The following NASP variants were observed in gnomAD, a reference collection of about 807,000 sequenced individuals.
The protein encoded by NASP is NASP histone chaperone.
Under a neutral mutation model 89.5 loss-of-function variants are expected in NASP, and 24 were observed. The observed-to-expected ratio is 0.27, with a 90% CI of 0.19 to 0.38. NASP has a LOEUF of 0.38. Among genes scored for constraint, NASP ranks in the 10% least tolerant of loss-of-function variants. The pLI is 1.00. For missense variants in NASP, 848 were observed against 921.4 expected, an observed-to-expected ratio of 0.92 and a Z score of 1.03; for synonymous variants, 306 against 324.7, an observed-to-expected ratio of 0.94 and a Z score of 0.62.
intron 3 of NASP, 83 bp from the exon 4 acceptor site, chr1:45,604,853 T>G: frequency 9.4e-7 from 1 of 1,059,764 alleles, no homozygotes; most frequent in Non-Finnish European, 1.4e-6. Context: ...ACTGGAGAAA[T>G]ATCAATTTAT....
chr1:45,613,070 G>A, intron 6 of NASP, 99 bp from the exon 7 acceptor site: 1 of 1,449,432 alleles, frequency 6.9e-7, no homozygotes, highest in East Asian at 2.5e-5. Flanking sequence ...CATCTGGCCT[G>A]TCCTATCTGA....
At position 45,607,733 on chromosome 1, in the gene NASP, A is replaced by C. The variant is rs1344048977; in HGVS notation, c.822A>C (p.Pro274=). The part of the protein sequence containing the change: ...GEVIVSIEEK[P]KEVSEEQPVV... ...TAATTGTGAGCATAGAGGAGAAGCCAAAAGAAGTTTCAGAAGAGCAGCCTG... is the reference window on the plus strand; with the variant it reads ...TAATTGTGAGCATAGAGGAGAAGCCCAAAGAAGTTTCAGAAGAGCAGCCTG... The change falls in exon 6 of 15, where the codon CCA becomes CCC. Residue 274 remains proline, a synonymous_variant. Coordinates refer to ENST00000350030, the MANE Select transcript of NASP (RefSeq NM_002482.4). 6.2e-7 allele frequency: 1 copy of C among 1,614,174 alleles called. No individual in the cohort carries two copies. The highest frequency in any genetic ancestry group is 1.7e-5 in the Admixed American group (1 of 60,026).
chr1:45,586,278 GTGTGTGGT>G (rs1422043183), intron 1 of NASP, among the ~76,000 whole-genome samples: 243 of 45,618 alleles, frequency 5.3e-3, no homozygotes, highest in African/African-American at 0.012. Flanking sequence ...GTGTGTGTGT[GTGTGTGGT>G]GTGTGTGTGT....
chr1:45,605,113 A>C (rs1168264377), intron 4 of NASP, 97 bp downstream of exon 4: 1 of 903,632 alleles, frequency 1.1e-6, no homozygotes, highest in East Asian at 2.4e-5. Context: ...TTTTACCTAG[A>C]GAGTTTTGAA....
Position 45,607,389 on chromosome 1 carries a change from A to C in NASP, c.478A>C (p.Thr160Pro). 1 of 1,614,110 alleles carries C rather than the reference A, an allele frequency of 6.2e-7. No homozygotes were observed. Among genetic ancestry groups the C allele is most frequent in the Non-Finnish European group, 8.5e-7 (1 of 1,179,976 alleles). Reference protein sequence around the residue: ...AMGEKEEAKKTEDKSLAKPET... With the variant: ...AMGEKEEAKKPEDKSLAKPET... ...GGGAGAAAAAGAAGAAGCCAAAAAA[A>C]CAGAAGACAAGTCTTTGGCAAAGCC... The change falls in exon 6 of 15, where the codon ACA becomes CCA. Residue 160 changes from threonine to proline, a missense_variant. Physicochemically the swap from Thr to Pro is conservative, Grantham distance 38. Around this residue, in one of 5 missense-constraint regions of NASP, gnomAD observed 464 missense variants for 469.4 expected, o/e 0.99. Transcript: ENST00000350030.
In NASP at chr1:45,602,300, G is replaced by GA. The variant is rs1643864191; in HGVS notation, c.156dup (p.His53ThrfsTer19). 6.2e-7 allele frequency: 1 copy of GA among 1,613,670 alleles called. No homozygotes were observed. The highest frequency in any genetic ancestry group is 8.5e-7 in the Non-Finnish European group (1 of 1,179,780). ...CTAAGAAACTATTGGGTTTAGGACAGAAACATCTGGTGATGGGGGATATTC... is the reference window on the plus strand; with the variant it reads ...CTAAGAAACTATTGGGTTTAGGACAGAAAACATCTGGTGATGGGGGATATTC... On this transcript the variant is annotated frameshift_variant, in exon 3 of 15. Transcript: ENST00000350030. LOFTEE classifies it high-confidence loss of function.
At position 45,600,989 on chromosome 1, in the gene NASP, C is replaced by A. The variant is rs6683470; in HGVS notation, c.108-1266C>A. Among the ~76,000 whole-genome samples the A allele has an allele frequency of 1.5e-3, 221 of 152,188 alleles. 3 individuals are homozygous for A. The highest frequency in any genetic ancestry group is 5.2e-3 in the African/African-American group (214 of 41,542). On this transcript the variant is annotated intron_variant, in intron 2 of 14. Coordinates refer to ENST00000350030, the MANE Select transcript of NASP (RefSeq NM_002482.4). ...TTTGCCATCTGTGTATCTTTGATGA[C>A]ATGTTTGTTAAAATCTTTCGCCCCC...
chr1:45,584,706 G>T (rs1235111762), intron 1 of NASP, among the ~76,000 whole-genome samples: 2 of 152,120 alleles, frequency 1.3e-5, no homozygotes, highest in Admixed American at 6.5e-5. Context: ...CTGAGGGCGG[G>T]GTTTTGCGCG....
At chr1:45,590,202 A>C (rs952304565) in intron 1 of NASP, among the ~76,000 whole-genome samples, 1 of 152,152 alleles carries the variant, frequency 6.6e-6, no homozygotes, top group Non-Finnish European at 1.5e-5. Flanking sequence ...GTACTGCCTT[A>C]GTTCACCCTC....
chr1:45,609,129 G>A (rs1164549481), intron 6 of NASP, among the ~76,000 whole-genome samples: 1 of 152,100 alleles, frequency 6.6e-6, no homozygotes, highest in Non-Finnish European at 1.5e-5. Context: ...ATTTCATTAA[G>A]GTGTATAAGC....
At chr1:45,590,549 CAAAAA>C (rs1036511604) in intron 1 of NASP, among the ~76,000 whole-genome samples, 5 of 58,968 alleles carry the variant, frequency 8.5e-5, no homozygotes, top group African/African-American at 2.4e-4. Flanking sequence ...GACTCTGTCT[CAAAAA>C]AAAAAAAAAA....
rs1644154244 is a variant in NASP at position 45,618,795 on chromosome 1, A to G, written c.*654A>G. 1 of 152,168 alleles carries G rather than the reference A, an allele frequency of 6.6e-6. No individual in the cohort carries two copies. The highest frequency in any genetic ancestry group is 2.1e-4 in the South Asian group (1 of 4,832). 9.4% of individuals were successfully genotyped at this position (152,168 alleles called of 1,614,324 possible). On this transcript the variant is annotated 3_prime_UTR_variant, in exon 15 of 15. Coordinates refer to ENST00000350030, the MANE Select transcript of NASP (RefSeq NM_002482.4). ...CATATGTGGGGAGGCTGGCTGGTTGAGTTTTGTTATTTTCTGTATAGAAAG... is the reference window on the plus strand; with the variant it reads ...CATATGTGGGGAGGCTGGCTGGTTGGGTTTTGTTATTTTCTGTATAGAAAG...
chr1:45,595,184 TGTG>T (rs1643663269), intron 2 of NASP, among the ~76,000 whole-genome samples: 1 of 138,024 alleles, frequency 7.2e-6, no homozygotes, highest in Admixed American at 7.3e-5. Flanking sequence ...TGTGTGTGTG[TGTG>T]TTTTAGAGAC....
chr1:45,601,122 T>A (rs978851215), intron 2 of NASP, among the ~76,000 whole-genome samples: 4 of 152,218 alleles, frequency 2.6e-5, no homozygotes, highest in Non-Finnish European at 5.9e-5. Flanking sequence ...CTGCCTTTTT[T>A]GTTTTTATAA....
chr1:45,614,408 T>A (rs758944557), intron 9 of NASP, 42 bp downstream of exon 9: 26 of 1,447,870 alleles, frequency 1.8e-5, no homozygotes, highest in Non-Finnish European at 2.3e-5. Context: ...TCTCTTCAGC[T>A]CCCTCGTTCT....
At chr1:45,596,222 T>C (rs1184571046) in intron 2 of NASP, among the ~76,000 whole-genome samples, 1 of 152,230 alleles carries the variant, frequency 6.6e-6, no homozygotes, top group Admixed American at 6.5e-5. Context: ...ATGAAATTGA[T>C]TTTTAAGTTG....
At chr1:45,613,334 G>A in intron 7 of NASP, 86 bp downstream of exon 7, 3 of 1,435,330 alleles carry the variant, frequency 2.1e-6, no homozygotes, top group Non-Finnish European at 1.9e-6. Context: ...AGGCTGGATT[G>A]CAGTGGGGTG....
chr1:45,589,904 C>CAAAA (rs931836884), intron 1 of NASP, among the ~76,000 whole-genome samples: 4 of 151,908 alleles, frequency 2.6e-5, no homozygotes, highest in Non-Finnish European at 5.9e-5. Context: ...GTCTCAAAAA[C>CAAAA]AAAACAAAAC....
Position 45,607,174 on chromosome 1 carries a change from C to T in NASP, c.410-147C>T, listed in dbSNP as rs2148358351. 4 of 799,714 alleles carry T rather than the reference C, an allele frequency of 5.0e-6. No individual in the cohort carries two copies. In the South Asian group the frequency reaches 7.8e-5, roughly 16 times the overall value. 49.5% of individuals were successfully genotyped at this position (799,714 alleles called of 1,614,324 possible). A position where few individuals can be genotyped will look rare whatever the true frequency, so the allele number is the denominator to read the frequency against. On this transcript the variant is annotated intron_variant, in intron 5 of 14. Coordinates refer to ENST00000350030, the MANE Select transcript of NASP (RefSeq NM_002482.4). ...TAGCCGGGATGCTCCCTTTCCTTTTCTCTAGGGGGCAGATAATTTTTAGGC... is the reference window on the plus strand; with the variant it reads ...TAGCCGGGATGCTCCCTTTCCTTTTTTCTAGGGGGCAGATAATTTTTAGGC...
Sources: allele counts gnomAD v4.1 joint callset (sites outside exome capture counted in the v4.1 genomes callset), GRCh38; gene constraint gnomAD v4.1.1; regional missense constraint gnomAD v4.1.1; transcripts MANE v1.5; gene names NCBI Gene and HGNC (gene_info 2026-07-23, HGNC 2026-07-21).